SMPD3: variants seen among roughly 807,000 people sequenced by gnomAD.
The protein encoded by SMPD3 is sphingomyelin phosphodiesterase 3.
In SMPD3, 21 loss-of-function variants were observed where a neutral mutation model predicts 55.7. The observed-to-expected ratio is 0.38, with a 90% CI of 0.27 to 0.54. The LOEUF is 0.54. SMPD3 is among the 20% of genes least tolerant of loss of function. The pLI, the probability that SMPD3 is intolerant of heterozygous loss-of-function variation, is 0.80. For synonymous variants in SMPD3, 457 were observed against 404.3 expected, an observed-to-expected ratio of 1.13 and a Z score of -1.56; for missense variants, 842 against 899.6, an observed-to-expected ratio of 0.94 and a Z score of 0.82.
At chr16:68,387,163 C>T (rs1399305853) in intron 1 of SMPD3, among the ~76,000 whole-genome samples, 2 of 152,044 alleles carry the variant, frequency 1.3e-5, no homozygotes, top group African/African-American at 4.8e-5. Flanking sequence ...GGAAGAGGGA[C>T]AGTGGCCACC....
At chr16:68,375,350 T>C (rs1412388447) in intron 2 of SMPD3, among the ~76,000 whole-genome samples, 1 of 146,776 alleles carries the variant, frequency 6.8e-6, no homozygotes, top group African/African-American at 2.6e-5. Context: ...CTGTGCAGGC[T>C]GAGCCCTGGC....
chr16:68,399,318 G>T (rs1470493376), intron 1 of SMPD3, among the ~76,000 whole-genome samples: 1 of 152,344 alleles, frequency 6.6e-6, no homozygotes, highest in African/African-American at 2.4e-5. Flanking sequence ...GTGAAGGTCA[G>T]GAGGTGAGAA....
chr16:68,398,301 T>C (rs781142036), intron 1 of SMPD3, among the ~76,000 whole-genome samples: 1 of 152,192 alleles, frequency 6.6e-6, no homozygotes, highest in Non-Finnish European at 1.5e-5. Context: ...TTTTATGTAG[T>C]TCTCAAATAA....
At position 68,360,497 on chromosome 16, in the gene SMPD3, A is replaced by G. The variant is rs2089192757; in HGVS notation, c.*709T>C. 6.6e-6 allele frequency: 1 copy of G among 152,584 alleles called. No individual in the cohort carries two copies. The highest frequency in any genetic ancestry group is 1.9e-4 in the East Asian group (1 of 5,318). The allele number at this position is 152,584 out of a possible 1,614,324, so 9.5% of individuals were successfully genotyped here. A position where few individuals can be genotyped will look rare whatever the true frequency, so the allele number is the denominator to read the frequency against. On this transcript the variant is annotated 3_prime_UTR_variant, in exon 9 of 9. Coordinates refer to ENST00000219334, the MANE Select transcript of SMPD3 (RefSeq NM_018667.4). ...AAGGGACCCTGTCTCGGGAAGAGCAAAGTTCTATGAGTGACTTACAGACCC... is the reference window on the plus strand; with the variant it reads ...AAGGGACCCTGTCTCGGGAAGAGCAGAGTTCTATGAGTGACTTACAGACCC...
At chr16:68,440,904 C>G in intron 1 of SMPD3, among the ~76,000 whole-genome samples, 1 of 152,222 alleles carries the variant, frequency 6.6e-6, no homozygotes, top group Non-Finnish European at 1.5e-5. Flanking sequence ...AAGACCTGTG[C>G]ACAATGCAGT....
rs549079766 is a variant in SMPD3, at chr16:68,400,372, GCTTGGTGACCAT to G, written c.-268-13725_-268-13714del. ...AATTTTAAACGATAATTATGGATTA[GCTTGGTGACCAT>G]CAGGCCCTTCTGCTATATCCCAGGA... is the stretch of plus-strand genomic sequence containing the variant. On this transcript the variant is annotated intron_variant, in intron 1 of 8. Transcript: ENST00000219334. Among the ~76,000 whole-genome samples, 92 of 152,322 alleles carry G rather than the reference GCTTGGTGACCAT, an allele frequency of 6.0e-4. 1 individual carries two copies. In the East Asian group the frequency reaches 0.017, roughly 27 times the overall value.
Position 68,370,949 on chromosome 16 carries a change from G to C in SMPD3, c.1233C>G (p.Ser411Arg). 6.2e-7 allele frequency: 1 copy of C among 1,614,132 alleles called. No homozygotes were observed. Among genetic ancestry groups the C allele is most frequent in the Non-Finnish European group, 8.5e-7 (1 of 1,180,030 alleles). Residue 411 changes from serine to arginine, a missense_variant, in exon 3 of 9, where the codon AGC becomes AGG. Ser to Arg is a moderately radical substitution (Grantham distance 110). Transcript: ENST00000219334. ...AGGCCACGTCCATGATGGGGTAGCG[G>C]CTGGCAAAGAGGAGGCCGCTGTTGA... ...KCLNSGLLFA[S>R]RYPIMDVAYH...
chr16:68,364,587 T>C, intron 5 of SMPD3, 164 bp downstream of exon 5: 1 of 794,340 alleles, frequency 1.3e-6, no homozygotes, highest in Non-Finnish European at 1.9e-6. Context: ...CTTCCTGTTC[T>C]AGGATTTCTA....
At chr16:68,445,780 A>G (rs990322592) in intron 1 of SMPD3, among the ~76,000 whole-genome samples, 2 of 152,148 alleles carry the variant, frequency 1.3e-5, no homozygotes, top group African/African-American at 4.8e-5. Flanking sequence ...CTCTCATCCT[A>G]TGGGAAGTAG....
chr16:68,371,265 C>G lies in SMPD3; in HGVS notation c.917G>C (p.Arg306Pro). Residue 306 changes from arginine to proline, a missense_variant, in exon 3 of 9, where the codon CGA (arginine) becomes CCA (proline). Physicochemically the swap from Arg to Pro is moderately radical, Grantham distance 103 (BLOSUM62 -2). Transcript: ENST00000219334. ...GCTGGCACTGGTGTCTGGCCCAGCTCGCCCCTTCACCAGGGACTCCCGGGA... is the reference window on the plus strand; with the variant it reads ...GCTGGCACTGGTGTCTGGCCCAGCTGGCCCCTTCACCAGGGACTCCCGGGA... The part of the protein sequence containing the change: ...SASRESLVKG[R>P]AGPDTSASGE... The G allele has an allele frequency of 6.2e-7, 1 of 1,606,126 alleles. No individual in the cohort carries two copies. Among genetic ancestry groups the G allele is most frequent in the Non-Finnish European group, 8.5e-7 (1 of 1,178,488 alleles).
intron 8 of SMPD3, 68 bp downstream of exon 8, chr16:68,361,535 G>T: frequency 6.3e-7 from 1 of 1,577,444 alleles, no homozygotes; most frequent in South Asian, 1.1e-5. Context: ...AGCGGCTGTC[G>T]AGAGCTGCAG....
chr16:68,435,847 C>T (rs1472703373), intron 1 of SMPD3, among the ~76,000 whole-genome samples: 1 of 152,204 alleles, frequency 6.6e-6, no homozygotes, highest in Non-Finnish European at 1.5e-5. Flanking sequence ...GCAGGGCCAG[C>T]CTGGCTACTG....
At chr16:68,364,981 A>G in intron 4 of SMPD3, 36 bp downstream of exon 4, 1 of 1,613,834 alleles carries the variant, frequency 6.2e-7, no homozygotes, top group Non-Finnish European at 8.5e-7. Flanking sequence ...CACTGATCCC[A>G]TGCCTAGAAA....
chr16:68,406,959 T>C (rs2152015769), intron 1 of SMPD3, among the ~76,000 whole-genome samples: 1 of 152,328 alleles, frequency 6.6e-6, no homozygotes, highest in African/African-American at 2.4e-5. Flanking sequence ...GAGGATTTAA[T>C]GCTTGCCTGG....
chr16:68,361,195 C>T lies in SMPD3; in HGVS notation c.*11G>A. The T allele has an allele frequency of 6.2e-7, 1 of 1,611,744 alleles. No homozygotes were observed. Reference sequence around the variant, plus strand: ...GCAAGGGCTGGCAGAGGCCCCGCTGCTCCGGACGGTCTATGCCTCCTCCTC... The same window carrying T: ...GCAAGGGCTGGCAGAGGCCCCGCTGTTCCGGACGGTCTATGCCTCCTCCTC... On this transcript the variant is annotated 3_prime_UTR_variant, in exon 9 of 9. Transcript: ENST00000219334.
In SMPD3 at chr16:68,361,142, G is replaced by A. The variant is rs1291419047; in HGVS notation, c.*64C>T. On this transcript the variant is annotated 3_prime_UTR_variant, in exon 9 of 9. Coordinates refer to ENST00000219334, the MANE Select transcript of SMPD3 (RefSeq NM_018667.4). ...CCAAGCACCGGGCACTCGATGGAGG[G>A]GACATGGCCCAGGGATGGGCTGCAG... 4 of 1,469,670 alleles carry A rather than the reference G, an allele frequency of 2.7e-6. No individual in the cohort carries two copies. Among genetic ancestry groups the A allele is most frequent in the East Asian group, 4.7e-5 (2 of 42,192 alleles). The allele number at this position is 1,469,670 out of a possible 1,614,324, so 91.0% of individuals were successfully genotyped here. A position where few individuals can be genotyped will look rare whatever the true frequency, so the allele number is the denominator to read the frequency against.
intron 1 of SMPD3, among the ~76,000 whole-genome samples, chr16:68,416,269 G>A (rs145539632): frequency 1.9e-3 from 282 of 152,298 alleles, no homozygotes; most frequent in African/African-American, 6.1e-3. Context: ...CTCAGAGCCC[G>A]ACCCTTTCCC....
chr16:68,366,931 C>T (rs2089496017), intron 3 of SMPD3, among the ~76,000 whole-genome samples: 1 of 151,670 alleles, frequency 6.6e-6, no homozygotes, highest in African/African-American at 2.4e-5. Context: ...TCGCTTGAAC[C>T]TTGGAGGCGG....
At chr16:68,381,169 C>T (rs2089942842) in intron 2 of SMPD3, among the ~76,000 whole-genome samples, 1 of 152,180 alleles carries the variant, frequency 6.6e-6, no homozygotes. Context: ...TGGGGCAAGG[C>T]CTCACTGCTG....
Sources: gnomAD v4.1 joint callset for allele counts (sites outside exome capture counted in the v4.1 genomes callset) on GRCh38, gnomAD v4.1.1 for gene constraint, MANE v1.5 for transcripts, NCBI Gene and HGNC (gene_info 2026-07-23, HGNC 2026-07-21) for gene names.